TBCEL: variants seen among roughly 807,000 people sequenced by gnomAD.
TBCEL encodes tubulin-specific chaperone cofactor E-like protein.
A neutral mutation model predicts 44.2 loss-of-function variants in TBCEL; 15 were observed. That is an observed-to-expected ratio of 0.34 (90% confidence interval 0.23 to 0.52). The LOEUF is 0.52. TBCEL is among the 20% of genes least tolerant of loss of function. The pLI is 0.95. For missense variants in TBCEL, 319 were observed against 506.3 expected (o/e 0.63, Z 3.55); for synonymous variants, 171 against 185.4 (o/e 0.92, Z 0.63).
At chr11:121,066,431 A>G (rs934816710) in intron 8 of TBCEL, among the ~76,000 whole-genome samples, 1 of 152,220 alleles carries the variant, frequency 6.6e-6, no homozygotes, top group African/African-American at 2.4e-5. Context: ...TGGTTCCTGC[A>G]TCTTACCTAT....
intron 6 of TBCEL, among the ~76,000 whole-genome samples, chr11:121,056,144 C>T (rs1320732666): frequency 1.3e-5 from 2 of 151,768 alleles, no homozygotes; most frequent in African/African-American, 4.8e-5. Context: ...CACCTATTTA[C>T]CCCCTCCAAT....
chr11:121,040,930 C>T (rs993182132), intron 2 of TBCEL, among the ~76,000 whole-genome samples: 3 of 152,004 alleles, frequency 2.0e-5, no homozygotes, highest in African/African-American at 7.2e-5. Flanking sequence ...TTTATCCTTC[C>T]GGAGATAGTC....
chr11:121,063,832 A>G (rs146351075), intron 8 of TBCEL, among the ~76,000 whole-genome samples: 14 of 152,074 alleles, frequency 9.2e-5, no homozygotes, highest in Non-Finnish European at 1.5e-4. Context: ...TTCTGGTAGA[A>G]TCTACACTTT....
chr11:121,059,427 A>G (rs977530989), intron 7 of TBCEL, among the ~76,000 whole-genome samples: 4 of 151,928 alleles, frequency 2.6e-5, no homozygotes, highest in Admixed American at 6.6e-5. Flanking sequence ...GCCATTAGCT[A>G]TGTGTGGCTA....
chr11:121,090,056 T>G lies in TBCEL; in HGVS notation c.*2960T>G, dbSNP rs1473471462. The G allele has an allele frequency of 1.3e-5, 2 of 152,306 alleles. No individual in the cohort carries two copies. Among genetic ancestry groups the G allele is most frequent in the East Asian group, 3.9e-4 (2 of 5,190 alleles). 9.4% of individuals were successfully genotyped at this position (152,306 alleles called of 1,614,324 possible). A position where few individuals can be genotyped will look rare whatever the true frequency, so the allele number is the denominator to read the frequency against. On this transcript the variant is annotated 3_prime_UTR_variant, in exon 9 of 9. Coordinates refer to ENST00000683345, the MANE Select transcript of TBCEL (RefSeq NM_001363644.2). The stretch of plus-strand genomic sequence containing the variant: ...TTTTATTATCAAGTTTTTGCAGCCT[T>G]TTGCCAGCATTGCCATAAATACGTA...
chr11:121,026,841 T>G (rs1945055146), intron 1 of TBCEL, among the ~76,000 whole-genome samples: 1 of 152,190 alleles, frequency 6.6e-6, no homozygotes, highest in African/African-American at 2.4e-5. Flanking sequence ...TTATTTCATT[T>G]TTCTGGGAAT....
rs1359500733 is a variant in TBCEL at position 121,058,425 on chromosome 11, C to T, written c.793C>T (p.Leu265=). The change falls in exon 7 of 9, where the codon CTG becomes TTG. Residue 265 remains leucine (L), a synonymous_variant. Transcript: ENST00000683345. ...EEVRLLGIPL[L]QPYTTEERRK... The stretch of plus-strand genomic sequence containing the variant: ...AGTGAGATTGTTAGGAATTCCTCTT[C>T]TGCAGCCATATACCACCGAGGAGCG... 2 of 1,611,996 alleles carry T rather than the reference C, an allele frequency of 1.2e-6. No homozygotes were observed. Among genetic ancestry groups the T allele is most frequent in the Admixed American group, 3.3e-5 (2 of 59,924 alleles).
intron 1 of TBCEL, among the ~76,000 whole-genome samples, chr11:121,029,481 T>A (rs1416372512): frequency 2.0e-5 from 3 of 152,244 alleles, no homozygotes; most frequent in Non-Finnish European, 4.4e-5. Context: ...ATTAATAGCT[T>A]CATTTTACAA....
intron 1 of TBCEL, among the ~76,000 whole-genome samples, chr11:121,033,906 G>T (rs1199314936): frequency 6.6e-6 from 1 of 151,342 alleles, no homozygotes; most frequent in East Asian, 1.9e-4. Flanking sequence ...TACACGATTT[G>T]TTCTAGCTTA....
At chr11:121,073,978 C>CT (rs1340809252) in intron 8 of TBCEL, among the ~76,000 whole-genome samples, 1 of 151,812 alleles carries the variant, frequency 6.6e-6, no homozygotes, top group Non-Finnish European at 1.5e-5. Context: ...ATGTTTCCAT[C>CT]TATTTTGATA....
At chr11:121,055,381 ATTTC>A (rs1158189364) in intron 6 of TBCEL, 73 bp downstream of exon 6, 14 of 1,383,680 alleles carry the variant, frequency 1.0e-5, no homozygotes, top group South Asian at 5.9e-5. Context: ...ATGAAAGTAT[ATTTC>A]TTTCAGTCAC....
chr11:121,077,196 G>T (rs914847859), intron 8 of TBCEL, among the ~76,000 whole-genome samples: 1 of 151,790 alleles, frequency 6.6e-6, no homozygotes, highest in African/African-American at 2.4e-5. Context: ...GGAAGAGTTT[G>T]TGTAGAACAG....
intron 8 of TBCEL, among the ~76,000 whole-genome samples, chr11:121,061,553 C>T (rs796817068): frequency 6.6e-6 from 1 of 152,008 alleles, no homozygotes. Flanking sequence ...CTACTACACA[C>T]CTAGGCTATA....
chr11:121,040,323 A>G (rs1945308682), intron 2 of TBCEL, among the ~76,000 whole-genome samples: 3 of 152,202 alleles, frequency 2.0e-5, no homozygotes, highest in African/African-American at 7.2e-5. Flanking sequence ...GTATTAACAC[A>G]TTTAACTTGG....
chr11:121,037,659 G>T (rs1385723420), intron 2 of TBCEL, among the ~76,000 whole-genome samples: 2 of 152,120 alleles, frequency 1.3e-5, no homozygotes, highest in Admixed American at 6.5e-5. Flanking sequence ...TTAGCAAAAA[G>T]GCAGGTTATA....
At chr11:121,062,015 A>C (rs1390450070) in intron 8 of TBCEL, among the ~76,000 whole-genome samples, 1 of 152,096 alleles carries the variant, frequency 6.6e-6, no homozygotes, top group Non-Finnish European at 1.5e-5. Flanking sequence ...AGCTGTACCA[A>C]AGCATTTTGT....
At chr11:121,026,944 A>C (rs1945056786) in intron 1 of TBCEL, among the ~76,000 whole-genome samples, 2 of 151,698 alleles carry the variant, frequency 1.3e-5, no homozygotes, top group South Asian at 4.2e-4. Flanking sequence ...TGATCCTTAG[A>C]CTCTTAAGCC....
intron 2 of TBCEL, among the ~76,000 whole-genome samples, chr11:121,039,095 C>G (rs1439521370): frequency 6.6e-6 from 1 of 152,156 alleles, no homozygotes; most frequent in African/African-American, 2.4e-5. Context: ...AAAGTCTAGA[C>G]CAAGAAAGTC....
At chr11:121,029,177 A>G (rs1447503788) in intron 1 of TBCEL, among the ~76,000 whole-genome samples, 1 of 152,160 alleles carries the variant, frequency 6.6e-6, no homozygotes, top group African/African-American at 2.4e-5. Context: ...CTTAGTGAAG[A>G]CAGTCACTCC....
Sources: gnomAD v4.1 joint callset for allele counts (sites outside exome capture counted in the v4.1 genomes callset) on GRCh38, gnomAD v4.1.1 for gene constraint, MANE v1.5 for transcripts, NCBI Gene and HGNC (gene_info 2026-07-23, HGNC 2026-07-21) for gene names.